Variants in GPC5 observed in about 807,000 individuals in gnomAD.
The protein encoded by GPC5 is glypican 5.
A neutral mutation model predicts 53.9 loss-of-function variants in GPC5; 47 were observed. The ratio of observed to expected loss-of-function variants is 0.87; its 90% confidence interval spans 0.69 to 1.11. The LOEUF (loss-of-function observed/expected upper bound fraction) is 1.11. Among genes scored for constraint, GPC5 ranks in the 50% most tolerant of loss-of-function variants. The pLI is 0.00. For missense variants in GPC5, 748 were observed against 713.1 expected, an observed-to-expected ratio of 1.05 and a Z score of -0.56; for synonymous variants, 286 against 263.3, an observed-to-expected ratio of 1.09 and a Z score of -0.84.
intron 2 of GPC5, among the ~76,000 whole-genome samples, chr13:91,651,024 G>T (rs1202745245): frequency 6.6e-6 from 1 of 152,074 alleles, no homozygotes; most frequent in Non-Finnish European, 1.5e-5. Flanking sequence ...TGGGTTCTCA[G>T]TAGTGATTTA....
chr13:92,016,540 T>C (rs1159899923), intron 6 of GPC5, among the ~76,000 whole-genome samples: 2 of 152,200 alleles, frequency 1.3e-5, no homozygotes, highest in Admixed American at 1.3e-4. Context: ...TTTCATATGC[T>C]TGATTCTACA....
chr13:92,578,597 C>T (rs929051381), intron 7 of GPC5, among the ~76,000 whole-genome samples: 5 of 152,118 alleles, frequency 3.3e-5, no homozygotes, highest in Non-Finnish European at 5.9e-5. Context: ...GCTGGAGAAG[C>T]TCCCAACTCC....
chr13:91,448,544 G>C (rs1880957595), intron 1 of GPC5, among the ~76,000 whole-genome samples: 1 of 152,156 alleles, frequency 6.6e-6, no homozygotes, highest in African/African-American at 2.4e-5. Flanking sequence ...TGACCAAGAA[G>C]TTAATATAAT....
intron 7 of GPC5, among the ~76,000 whole-genome samples, chr13:92,827,495 G>T (rs544761270): frequency 1.3e-5 from 2 of 152,226 alleles, no homozygotes; most frequent in South Asian, 4.1e-4. Flanking sequence ...TAGAGATCAG[G>T]TAGGTCAGGC....
chr13:92,456,724 T>C (rs752198136), intron 7 of GPC5, among the ~76,000 whole-genome samples: 3 of 152,204 alleles, frequency 2.0e-5, no homozygotes, highest in African/African-American at 4.8e-5. Context: ...TCCTCCACTC[T>C]TGAAAATCCT....
intron 2 of GPC5, among the ~76,000 whole-genome samples, chr13:91,667,137 T>G (rs1053861757): frequency 9.9e-5 from 15 of 152,226 alleles, no homozygotes; most frequent in Non-Finnish European, 1.9e-4. Context: ...AACTGTCTTT[T>G]TGCATTTATG....
At chr13:92,116,683 C>T (rs2041604491) in intron 6 of GPC5, among the ~76,000 whole-genome samples, 1 of 152,134 alleles carries the variant, frequency 6.6e-6, no homozygotes, top group Non-Finnish European at 1.5e-5. Context: ...CACTAACATA[C>T]CAGAAAGTTC....
At chr13:91,634,712 C>A (rs958422898) in intron 2 of GPC5, among the ~76,000 whole-genome samples, 9 of 151,824 alleles carry the variant, frequency 5.9e-5, no homozygotes, top group African/African-American at 2.2e-4. Context: ...GTTTTATATA[C>A]CAGTATTACC....
At chr13:91,996,844 C>T (rs560555256) in intron 6 of GPC5, among the ~76,000 whole-genome samples, 13 of 152,108 alleles carry the variant, frequency 8.5e-5, no homozygotes, top group Admixed American at 6.6e-4. Context: ...ATTATGTTTA[C>T]GTTTGGGATT....
chr13:92,003,463 A>G (rs1049146840), intron 6 of GPC5, among the ~76,000 whole-genome samples: 5 of 149,468 alleles, frequency 3.3e-5, no homozygotes, highest in Non-Finnish European at 5.9e-5. Context: ...TTTTTTTTTC[A>G]GTGAAAGGAT....
At chr13:92,759,394 T>C (rs1875066505) in intron 7 of GPC5, among the ~76,000 whole-genome samples, 1 of 152,088 alleles carries the variant, frequency 6.6e-6, no homozygotes, top group Non-Finnish European at 1.5e-5. Flanking sequence ...TTCCATTAAT[T>C]TGTGTTCCCT....
At chr13:91,457,597 G>A (rs1881652058) in intron 2 of GPC5, among the ~76,000 whole-genome samples, 1 of 152,106 alleles carries the variant, frequency 6.6e-6, no homozygotes, top group Non-Finnish European at 1.5e-5. Flanking sequence ...CACAGGGGAT[G>A]ACATGAAATG....
chr13:91,425,922 G>A (rs1305601041), intron 1 of GPC5, among the ~76,000 whole-genome samples: 2 of 152,144 alleles, frequency 1.3e-5, no homozygotes, highest in Non-Finnish European at 2.9e-5. Flanking sequence ...TCTAGGCTAA[G>A]GTGGTCTTAG....
At position 91,448,809 on chromosome 13, in the gene GPC5, G is replaced by A. The variant is rs371917437; in HGVS notation, c.212G>A (p.Arg71Lys). The change falls in exon 2 of 8, where the codon AGG becomes AAG. Residue 71 changes from arginine (R) to lysine (K), a missense_variant. Coordinates refer to ENST00000377067, the MANE Select transcript of GPC5 (RefSeq NM_004466.6). ...CISKKPTCCT[R>K]KMEERYQIAA... ...TCCAAAAAGCCTACATGTTGCACCA[G>A]GAAGATGGAGGAGAGATATCAGATT... The A allele has an allele frequency of 1.2e-6, 2 of 1,613,624 alleles. No individual in the cohort carries two copies. The highest frequency in any genetic ancestry group is 1.3e-5 in the African/African-American group (1 of 74,890).
chr13:92,824,003 C>A (rs976577904), intron 7 of GPC5, among the ~76,000 whole-genome samples: 6 of 151,986 alleles, frequency 3.9e-5, no homozygotes, highest in Admixed American at 3.9e-4. Flanking sequence ...TTAGTCATCC[C>A]ATCCTACCTA....
chr13:91,570,668 G>T (rs2031740690), intron 2 of GPC5, among the ~76,000 whole-genome samples: 1 of 152,094 alleles, frequency 6.6e-6, no homozygotes, highest in Admixed American at 6.6e-5. Flanking sequence ...GCTTGAATTT[G>T]AATCTCAGAA....
chr13:92,145,880 C>A (rs1375171017), intron 7 of GPC5, among the ~76,000 whole-genome samples: 3 of 152,104 alleles, frequency 2.0e-5, no homozygotes, highest in African/African-American at 4.8e-5. Context: ...ATTAGACATG[C>A]CTTTTGGTGG....
At chr13:91,633,061 G>C (rs2034198949) in intron 2 of GPC5, among the ~76,000 whole-genome samples, 1 of 152,160 alleles carries the variant, frequency 6.6e-6, no homozygotes, top group Non-Finnish European at 1.5e-5. Flanking sequence ...ATGCAGAAAT[G>C]AAAACAAAGA....
intron 4 of GPC5, among the ~76,000 whole-genome samples, chr13:91,746,939 T>G (rs1426863235): frequency 6.6e-6 from 1 of 152,202 alleles, no homozygotes; most frequent in African/African-American, 2.4e-5. Context: ...CATCTCTATA[T>G]CCTTCTCTAT....
Sources: gnomAD v4.1 joint callset for allele counts (sites outside exome capture counted in the v4.1 genomes callset) on GRCh38, gnomAD v4.1.1 for gene constraint, MANE v1.5 for transcripts, NCBI Gene and HGNC (gene_info 2026-07-23, HGNC 2026-07-21) for gene names.